IRAG2: variants seen among roughly 807,000 people sequenced by gnomAD.
The protein encoded by IRAG2 is lymphoid restricted membrane protein.
Under a neutral mutation model 69.9 loss-of-function variants are expected in IRAG2, and 45 were observed. The ratio of observed to expected loss-of-function variants is 0.64; its 90% CI spans 0.51 to 0.83. The LOEUF (loss-of-function observed/expected upper bound fraction) is 0.83, where lower values mean the gene tolerates loss of function less well. Ranked by LOEUF, IRAG2 falls within the 40% of genes least tolerant of loss-of-function variation. IRAG2 has a pLI of 0.00. For synonymous variants in IRAG2, 193 were observed against 202.4 expected, an observed-to-expected ratio of 0.95 and a Z score of 0.40; for missense variants, 520 against 587.0, an observed-to-expected ratio of 0.89 and a Z score of 1.18.
intron 6 of IRAG2, among the ~76,000 whole-genome samples, chr12:25,078,624 A>G (rs1946981726): frequency 6.6e-6 from 1 of 152,234 alleles, no homozygotes; most frequent in Non-Finnish European, 1.5e-5. Context: ...TTAATGCCCT[A>G]AAGTTACCCC....
At chr12:25,069,546 G>T in intron 6 of IRAG2, 115 bp downstream of exon 6, 1 of 915,466 alleles carries the variant, frequency 1.1e-6, no homozygotes, top group South Asian at 1.7e-5. Context: ...GGATATTCTT[G>T]TAGCAAGTCT....
chr12:25,057,409 C>G (rs1945334767), intron 1 of IRAG2, among the ~76,000 whole-genome samples: 1 of 151,718 alleles, frequency 6.6e-6, no homozygotes, highest in South Asian at 2.1e-4. Flanking sequence ...TAGGCGAGCA[C>G]CACTATGCCT....
chr12:25,079,840 C>T, intron 9 of IRAG2, 77 bp downstream of exon 9: 1 of 817,808 alleles, frequency 1.2e-6, no homozygotes. Context: ...AAGTAACTAT[C>T]CACACTAGCT....
At chr12:25,087,729 A>C (rs1057080970) in intron 10 of IRAG2, among the ~76,000 whole-genome samples, 1 of 152,168 alleles carries the variant, frequency 6.6e-6, no homozygotes, top group Non-Finnish European at 1.5e-5. Flanking sequence ...GCCGCACAGC[A>C]GGAGGTGAGC....
At chr12:25,001,638 G>C (rs1329980129), upstream of IRAG2, among the ~76,000 whole-genome samples, 1 of 152,108 alleles carries the variant, frequency 6.6e-6, no homozygotes, top group African/African-American at 2.4e-5. Context: ...GACAGGATTT[G>C]GGAGCATGAG....
rs753581264 is a variant in IRAG2, at chr12:25,015,627, A to G, written c.1055+199A>G. Among the ~76,000 whole-genome samples the G allele has an allele frequency of 8.5e-4, 130 of 152,228 alleles. 1 individual carries two copies. The highest frequency in any genetic ancestry group is 2.2e-3 in the Admixed American group (33 of 15,288). ...TTTCACTAGGAACACAAATTCTCGTATGACTAGTAATCCAAAATCACTTGC... is the reference window on the plus strand; with the variant it reads ...TTTCACTAGGAACACAAATTCTCGTGTGACTAGTAATCCAAAATCACTTGC... On this transcript the variant is annotated intron_variant, in intron 5 of 38. Coordinates refer to the IRAG2 transcript ENST00000636465.
At chr12:25,021,994 A>G (rs1944584771) in intron 7 of IRAG2, among the ~76,000 whole-genome samples, 1 of 152,216 alleles carries the variant, frequency 6.6e-6, no homozygotes, top group Non-Finnish European at 1.5e-5. Context: ...GAACTGGTCA[A>G]GAGCCCACGC....
intron 10 of IRAG2, 114 bp from the exon 11 acceptor site, chr12:25,087,986 G>T: frequency 1.4e-6 from 1 of 722,266 alleles, no homozygotes; most frequent in Non-Finnish European, 2.4e-6. Flanking sequence ...GTTGGGGACT[G>T]CTGTTATAGA....
At chr12:25,017,407 C>A in intron 6 of IRAG2, 2 of 984,364 alleles carry the variant, frequency 2.0e-6, no homozygotes, top group Non-Finnish European at 2.6e-6. Context: ...TTAAAGTATA[C>A]AATTCAGTGT....
chr12:25,011,292 T>C, intron 2 of IRAG2: 2 of 1,152,868 alleles, frequency 1.7e-6, no homozygotes, highest in African/African-American at 1.6e-5. Flanking sequence ...TCAGGAAACA[T>C]TAAAGAGATA....
At chr12:25,090,842 G>A (rs1013462168) in intron 14 of IRAG2, 1 of 454,296 alleles carries the variant, frequency 2.2e-6, no homozygotes, top group African/African-American at 2.0e-5. Flanking sequence ...ACAGAAAACT[G>A]AGCAATAGGA....
At chr12:25,081,985 C>T (rs1415438219) in intron 9 of IRAG2, among the ~76,000 whole-genome samples, 2 of 152,106 alleles carry the variant, frequency 1.3e-5, no homozygotes, top group African/African-American at 2.4e-5. Flanking sequence ...GCCTCAAACT[C>T]CTGGGCTCAC....
At chr12:25,009,846 G>T (rs1026708780) in intron 2 of IRAG2, among the ~76,000 whole-genome samples, 1 of 152,168 alleles carries the variant, frequency 6.6e-6, no homozygotes, top group African/African-American at 2.4e-5. Flanking sequence ...AGGAAGGCAG[G>T]CAGGAGAGAT....
chr12:25,037,699 A>C (rs1944712511), intron 15 of IRAG2, among the ~76,000 whole-genome samples: 1 of 152,218 alleles, frequency 6.6e-6, no homozygotes, highest in African/African-American at 2.4e-5. Flanking sequence ...GTCAGGGGAA[A>C]CTTAAGAAAA....
chr12:25,046,385 A>G lies in IRAG2; in HGVS notation c.2145-5850A>G, dbSNP rs149784126. 4.1e-4 allele frequency among the ~76,000 whole-genome samples: 63 copies of G among 152,254 alleles called. 1 individual carries two copies. In the East Asian group the frequency reaches 0.011, roughly 27 times the overall value. On this transcript the variant is annotated intron_variant, in intron 16 of 38. Coordinates refer to the IRAG2 transcript ENST00000636465. Reference sequence around the variant, plus strand: ...GGCAAGAAAAAAAAATAAAAGGCATATAAATATAAAAGGAAGAAGTAAAAT... The same window carrying G: ...GGCAAGAAAAAAAAATAAAAGGCATGTAAATATAAAAGGAAGAAGTAAAAT...
chr12:25,085,039 C>T (rs1947475816), intron 10 of IRAG2, among the ~76,000 whole-genome samples: 1 of 152,254 alleles, frequency 6.6e-6, no homozygotes. Context: ...GCTCTGCCCC[C>T]TGGCAGCATC....
At chr12:25,056,940 G>A (rs773118352) in intron 1 of IRAG2, among the ~76,000 whole-genome samples, 1 of 152,186 alleles carries the variant, frequency 6.6e-6, no homozygotes, top group Non-Finnish European at 1.5e-5. Flanking sequence ...ACTTTATAGG[G>A]CTCTACCCCA....
chr12:25,010,646 CT>C (rs150791646), intron 2 of IRAG2, among the ~76,000 whole-genome samples: 5,852 of 149,816 alleles, frequency 0.039, 375 homozygotes, highest in African/African-American at 0.13. Context: ...AATTAAGAGA[CT>C]TTTTTTTTTC....
chr12:25,070,745 A>G (rs758852634), intron 6 of IRAG2, among the ~76,000 whole-genome samples: 3 of 152,212 alleles, frequency 2.0e-5, no homozygotes, highest in Non-Finnish European at 4.4e-5. Flanking sequence ...ATATCCTTTT[A>G]CATTTCCAAC....
Sources: allele counts gnomAD v4.1 joint callset (sites outside exome capture counted in the v4.1 genomes callset), GRCh38; gene constraint gnomAD v4.1.1; transcripts MANE v1.5; gene names NCBI Gene and HGNC (gene_info 2026-07-23, HGNC 2026-07-21).